The following TENM3 variants were observed in gnomAD, a reference collection of about 807,000 sequenced individuals.
The protein encoded by TENM3 is teneurin-3.
A neutral mutation model predicts 255.1 loss-of-function variants in TENM3; 63 were observed. The observed-to-expected ratio is 0.25, with a 90% confidence interval of 0.20 to 0.30. TENM3 has a LOEUF of 0.30. Ranked by LOEUF, TENM3 falls within the 10% of genes least tolerant of loss-of-function variation. The pLI is 1.00. For missense variants in TENM3, 2,929 were observed against 3,461.1 expected, an observed-to-expected ratio of 0.85 and a Z score of 3.86; for synonymous variants, 1,306 against 1,322.3, an observed-to-expected ratio of 0.99 and a Z score of 0.27.
intron 3 of TENM3, among the ~76,000 whole-genome samples, chr4:182,596,030 A>G (rs1198766331): frequency 6.6e-6 from 1 of 152,106 alleles, no homozygotes; most frequent in Non-Finnish European, 1.5e-5. Flanking sequence ...CCTTGCTTGA[A>G]TGAGATGACC....
At chr4:182,230,820 A>G (rs1311050956) in intron 1 of TENM3, among the ~76,000 whole-genome samples, 821 of 73,366 alleles carry the variant, frequency 0.011, 4 homozygotes, top group Non-Finnish European at 0.021. Context: ...AACTATATAT[A>G]TATATATATA....
chr4:182,603,765 T>TTATATA (rs760690038), intron 4 of TENM3, among the ~76,000 whole-genome samples: 2 of 95,504 alleles, frequency 2.1e-5, no homozygotes, highest in African/African-American at 2.9e-5. Context: ...TGGCAATTAT[T>TTATATA]TATATATATA....
chr4:182,590,448 G>A (rs183046378), intron 3 of TENM3, among the ~76,000 whole-genome samples: 2 of 145,480 alleles, frequency 1.4e-5, no homozygotes, highest in Non-Finnish European at 3.0e-5. Flanking sequence ...GATCAGCCTG[G>A]GCAACATAGT....
At chr4:182,531,909 G>T (rs533426978) in intron 3 of TENM3, among the ~76,000 whole-genome samples, 2 of 152,322 alleles carry the variant, frequency 1.3e-5, no homozygotes, top group East Asian at 3.9e-4. Context: ...TCTGAGAATG[G>T]TGGGAACCTT....
chr4:181,793,887 A>T, the TENM3 span, among the ~76,000 whole-genome samples: 1 of 152,114 alleles, frequency 6.6e-6, no homozygotes, highest in African/African-American at 2.4e-5. Flanking sequence ...CATTTGTTTT[A>T]TTGTATTTCC....
At chr4:182,458,289 CTAA>C (rs1401151412) in intron 3 of TENM3, among the ~76,000 whole-genome samples, 28 of 152,052 alleles carry the variant, frequency 1.8e-4, no homozygotes, top group African/African-American at 6.8e-4. Flanking sequence ...TAATTGATGG[CTAA>C]TGTTTTTACT....
At chr4:182,389,725 G>A (rs1378658990) in intron 3 of TENM3, among the ~76,000 whole-genome samples, 75 of 125,526 alleles carry the variant, frequency 6.0e-4, no homozygotes, top group Middle Eastern at 6.3e-3. Context: ...TCGCTCTGTC[G>A]CCCAGGCTGG....
chr4:181,602,960 C>T, the TENM3 span, among the ~76,000 whole-genome samples: 4 of 152,166 alleles, frequency 2.6e-5, no homozygotes, highest in Non-Finnish European at 5.9e-5. Context: ...TCAGTGGTTG[C>T]TCATTCATCA....
At chr4:181,550,683 T>C in the TENM3 span, among the ~76,000 whole-genome samples, 2 of 152,232 alleles carry the variant, frequency 1.3e-5, no homozygotes, top group African/African-American at 4.8e-5. Context: ...AAAGATAGCC[T>C]AGAGTCTATC....
At chr4:182,795,466 G>A (rs1766433146) in intron 26 of TENM3, among the ~76,000 whole-genome samples, 1 of 152,018 alleles carries the variant, frequency 6.6e-6, no homozygotes, top group African/African-American at 2.4e-5. Flanking sequence ...GAACCACTTA[G>A]GATTTATGTC....
intron 3 of TENM3, among the ~76,000 whole-genome samples, chr4:182,485,280 A>G (rs1734588664): frequency 6.6e-6 from 1 of 152,168 alleles, no homozygotes; most frequent in Non-Finnish European, 1.5e-5. Context: ...TTGTAAGAGT[A>G]TTAACTGGTT....
chr4:182,563,500 T>G (rs1743440894), intron 3 of TENM3, among the ~76,000 whole-genome samples: 1 of 152,216 alleles, frequency 6.6e-6, no homozygotes, highest in Non-Finnish European at 1.5e-5. Flanking sequence ...TATAATTCAC[T>G]TGATATAATT....
intron 3 of TENM3, among the ~76,000 whole-genome samples, chr4:182,460,877 C>T (rs1381638335): frequency 2.0e-5 from 3 of 152,074 alleles, no homozygotes; most frequent in African/African-American, 7.2e-5. Context: ...TAACTGCAGT[C>T]TATTTTAGGA....
chr4:181,952,044 AC>A, the TENM3 span, among the ~76,000 whole-genome samples: 1 of 152,220 alleles, frequency 6.6e-6, no homozygotes, highest in Non-Finnish European at 1.5e-5. Flanking sequence ...ACAGAATTAG[AC>A]TTTTTAAAGA....
chr4:181,575,274 C>T, the TENM3 span, among the ~76,000 whole-genome samples: 1 of 152,120 alleles, frequency 6.6e-6, no homozygotes, highest in African/African-American at 2.4e-5. Context: ...TTATTAATTA[C>T]ACTTTCTGAT....
the TENM3 span, among the ~76,000 whole-genome samples, chr4:181,651,733 A>C: frequency 6.6e-6 from 1 of 152,208 alleles, no homozygotes; most frequent in African/African-American, 2.4e-5. Context: ...CTTGAATTTT[A>C]AAACTAATGG....
intron 3 of TENM3, among the ~76,000 whole-genome samples, chr4:182,489,486 C>T (rs540892682): frequency 6.6e-5 from 10 of 151,920 alleles, no homozygotes; most frequent in African/African-American, 1.4e-4. Flanking sequence ...ATTTATAGGA[C>T]GGGGGTAAAC....
At chr4:181,667,371 C>T in the TENM3 span, among the ~76,000 whole-genome samples, 2 of 152,318 alleles carry the variant, frequency 1.3e-5, no homozygotes, top group Admixed American at 1.3e-4. Context: ...CCTACCACTA[C>T]TGCTGTTTGT....
chr4:182,636,253 A>C (rs1751832268), intron 5 of TENM3, among the ~76,000 whole-genome samples: 1 of 152,164 alleles, frequency 6.6e-6, no homozygotes, highest in African/African-American at 2.4e-5. Context: ...AAAAATTTAG[A>C]ATCAGTTTTT....
Sources: gnomAD v4.1 joint callset for allele counts (sites outside exome capture counted in the v4.1 genomes callset) on GRCh38, gnomAD v4.1.1 for gene constraint, MANE v1.5 for transcripts, NCBI Gene and HGNC (gene_info 2026-07-23, HGNC 2026-07-21) for gene names.